ABL2: variants seen among roughly 807,000 people sequenced by gnomAD.
The protein encoded by ABL2 is ABL proto-oncogene 2, non-receptor tyrosine kinase.
In ABL2, 49 loss-of-function variants were observed where a neutral mutation model predicts 107.7. The observed-to-expected ratio is 0.45, with a 90% CI of 0.36 to 0.58. The LOEUF (loss-of-function observed/expected upper bound fraction) is 0.58, where lower values mean the gene tolerates loss of function less well. ABL2 is among the 20% of genes least tolerant of loss of function. ABL2 has a pLI of 0.00. For synonymous variants in ABL2, 549 were observed against 548.6 expected (o/e 1.00, Z -0.01); for missense variants, 1,245 against 1,457.0 (o/e 0.85, Z 2.37).
intron 1 of ABL2, among the ~76,000 whole-genome samples, chr1:179,213,804 C>T (rs895532792): frequency 1.1e-4 from 17 of 151,992 alleles, no homozygotes; most frequent in South Asian, 1.0e-3. Context: ...AGAGTCCAGG[C>T]GTGGTGGCTC....
chr1:179,167,713 T>C (rs989780657), intron 1 of ABL2, among the ~76,000 whole-genome samples: 3 of 152,182 alleles, frequency 2.0e-5, no homozygotes, highest in African/African-American at 7.2e-5. Context: ...CAATTAAACA[T>C]TTTTTTAAAA....
chr1:179,139,670 G>A (rs1450476717), intron 1 of ABL2, among the ~76,000 whole-genome samples: 1 of 152,122 alleles, frequency 6.6e-6, no homozygotes, highest in Non-Finnish European at 1.5e-5. Context: ...CCCAACCCCT[G>A]GGCCACAGAC....
chr1:179,132,983 C>T (rs539149085), intron 2 of ABL2, among the ~76,000 whole-genome samples: 9 of 152,080 alleles, frequency 5.9e-5, no homozygotes, highest in Admixed American at 2.0e-4. Flanking sequence ...CTCAGCCTCC[C>T]GAGTAGGTGG....
chr1:179,169,106 CAG>C (rs915285768), intron 1 of ABL2, among the ~76,000 whole-genome samples: 4 of 151,950 alleles, frequency 2.6e-5, no homozygotes, highest in Admixed American at 1.3e-4. Flanking sequence ...CTAATTCTTT[CAG>C]AGAGTTGAGA....
At chr1:179,189,021 T>C (rs1306337260) in intron 1 of ABL2, among the ~76,000 whole-genome samples, 1 of 152,220 alleles carries the variant, frequency 6.6e-6, no homozygotes, top group Non-Finnish European at 1.5e-5. Flanking sequence ...TAACAGGTTA[T>C]AACAATGACT....
chr1:179,210,040 T>C (rs1291044530), intron 1 of ABL2, among the ~76,000 whole-genome samples: 1 of 152,032 alleles, frequency 6.6e-6, no homozygotes, highest in Non-Finnish European at 1.5e-5. Flanking sequence ...CTTTTAATTT[T>C]ATTTTTAAAG....
At chr1:179,157,865 T>C (rs1186016941) in intron 1 of ABL2, among the ~76,000 whole-genome samples, 1 of 152,174 alleles carries the variant, frequency 6.6e-6, no homozygotes, top group African/African-American at 2.4e-5. Flanking sequence ...CCACTGCACC[T>C]GGCCCAAATT....
At chr1:179,131,270 T>C in intron 3 of ABL2, 41 bp downstream of exon 3, 1 of 1,593,006 alleles carries the variant, frequency 6.3e-7, no homozygotes, top group Non-Finnish European at 8.6e-7. Flanking sequence ...TAATCATTAA[T>C]GAAAACTGAA....
chr1:179,143,950 C>G (rs1657810660), intron 1 of ABL2, among the ~76,000 whole-genome samples: 1 of 152,022 alleles, frequency 6.6e-6, no homozygotes. Flanking sequence ...CCTGCCTCAG[C>G]CTCCCAAAGT....
chr1:179,152,649 C>T (rs1161695196), intron 1 of ABL2, among the ~76,000 whole-genome samples: 1 of 152,160 alleles, frequency 6.6e-6, no homozygotes, highest in East Asian at 1.9e-4. Flanking sequence ...CAAAAGAATT[C>T]AGACTTATCA....
chr1:179,182,510 T>A (rs911847631), intron 1 of ABL2, among the ~76,000 whole-genome samples: 8 of 152,220 alleles, frequency 5.3e-5, no homozygotes, highest in African/African-American at 4.8e-5. Context: ...TCAGAGAAGA[T>A]CTTCCAGCAT....
chr1:179,184,474 C>T lies in ABL2; in HGVS notation c.157+44767G>A, dbSNP rs1346042194. The T allele has an allele frequency of 5.6e-6, 5 of 889,350 alleles. No individual in the cohort carries two copies. In the East Asian group the frequency reaches 1.1e-4, roughly 19 times the overall value. The allele number at this position is 889,350 out of a possible 1,614,324, so 55.1% of individuals were successfully genotyped here. On this transcript the variant is annotated intron_variant, in intron 1 of 11. Transcript: ENST00000502732. ...TTTACTGACCATTCTGATGCAGGTG[C>T]TCATATGTTAGGAAAGTTCATCAAA...
chr1:179,185,508 G>A (rs1470335861), intron 1 of ABL2, among the ~76,000 whole-genome samples: 1 of 152,070 alleles, frequency 6.6e-6, no homozygotes, highest in Non-Finnish European at 1.5e-5. Flanking sequence ...AAAGTTAAAA[G>A]TGTACAAGTT....
In ABL2 at chr1:179,126,679, A is replaced by G. The variant is rs752490264; in HGVS notation, c.392-7T>C. ...AGGACTCGTAGCTTTTCACCTAGCC[A>G]TAAGGTCATCACAGGATGAAAGAAA... On this transcript the variant is annotated splice_polypyrimidine_tract_variant and splice_region_variant and intron_variant, in intron 3 of 11. Coordinates refer to ENST00000502732, the MANE Select transcript of ABL2 (RefSeq NM_007314.4). This position sits in a 1 kb window ranked among gnomAD's most constrained non-coding sequence, Gnocchi z 4.4. 3 of 1,608,510 alleles carry G rather than the reference A, an allele frequency of 1.9e-6. No homozygotes were observed. The Admixed American group carries it at 5.0e-5, about 27-fold the overall frequency.
chr1:179,151,805 G>A (rs886938210), intron 1 of ABL2, among the ~76,000 whole-genome samples: 1 of 151,856 alleles, frequency 6.6e-6, no homozygotes, highest in Non-Finnish European at 1.5e-5. Context: ...ATTCTTTACC[G>A]TAGCATTGAG....
chr1:179,110,981 T>A, intron 10 of ABL2: 2 of 19,244 alleles, frequency 1.0e-4, no homozygotes, highest in Non-Finnish European at 1.7e-4. Flanking sequence ...TATTTTTGGC[T>A]TTTTTTTTTT....
chr1:179,177,734 C>T (rs1314482624), intron 1 of ABL2, among the ~76,000 whole-genome samples: 1 of 152,062 alleles, frequency 6.6e-6, no homozygotes, highest in Non-Finnish European at 1.5e-5. Flanking sequence ...CAAAGTTAGA[C>T]TATGTATTAA....
rs58297805 is a variant in ABL2, at chr1:179,147,181, C to CAAAAAAAAAAAAAAAA, written c.158-13823_158-13808dup. On this transcript the variant is annotated intron_variant, in intron 1 of 11. Coordinates refer to ENST00000502732, the MANE Select transcript of ABL2 (RefSeq NM_007314.4). ...CCAATCACTAATCATCAGAGAAATGCAAAAAAAAAAAAAAAAAAAAAAAAA... is the reference window on the plus strand; with the variant it reads ...CCAATCACTAATCATCAGAGAAATGCAAAAAAAAAAAAAAAAAAAAAAAAAAAAAAAAAAAAAAAAA... Among the ~76,000 whole-genome samples the CAAAAAAAAAAAAAAAA allele has an allele frequency of 1.4e-3, 72 of 50,536 alleles. 14 individuals are homozygous for CAAAAAAAAAAAAAAAA. The highest frequency in any genetic ancestry group is 2.6e-3 in the African/African-American group (35 of 13,244). The allele number at this position is 50,536 out of a possible 152,430, so 33.2% of individuals were successfully genotyped here.
At chr1:179,151,801 T>C (rs112759775) in intron 1 of ABL2, among the ~76,000 whole-genome samples, 7 of 152,348 alleles carry the variant, frequency 4.6e-5, no homozygotes, top group African/African-American at 1.7e-4. Flanking sequence ...TAAAATTCTT[T>C]ACCGTAGCAT....
Sources: allele counts gnomAD v4.1 joint callset (sites outside exome capture counted in the v4.1 genomes callset), GRCh38; gene constraint gnomAD v4.1.1; non-coding constraint Gnocchi (gnomAD v3.1); transcripts MANE v1.5; gene names NCBI Gene and HGNC (gene_info 2026-07-23, HGNC 2026-07-21).